Variants in ZFAT observed in about 807,000 individuals in gnomAD.
ZFAT encodes the protein zinc finger and AT-hook domain containing, also known as zinc finger protein ZFAT.
ZFAT carries 64 observed loss-of-function variants against 117.7 expected under a neutral mutation model. The ratio of observed to expected loss-of-function variants is 0.54; its 90% CI spans 0.44 to 0.67. The LOEUF (loss-of-function observed/expected upper bound fraction) is 0.67. Among genes scored for constraint, ZFAT ranks in the 30% least tolerant of loss-of-function variants. ZFAT has a pLI of 0.00. For missense variants in ZFAT, 1,433 were observed against 1,584.5 expected, an observed-to-expected ratio of 0.90 and a Z score of 1.62; for synonymous variants, 679 against 615.0, an observed-to-expected ratio of 1.10 and a Z score of -1.54.
At chr8:134,582,760 A>G (rs985226797) in intron 10 of ZFAT, among the ~76,000 whole-genome samples, 2 of 152,118 alleles carry the variant, frequency 1.3e-5, no homozygotes, top group Non-Finnish European at 2.9e-5. Flanking sequence ...CCAAGGGCCC[A>G]ACCCCCACAC....
At chr8:134,695,494 T>A (rs1012785866) in intron 1 of ZFAT, among the ~76,000 whole-genome samples, 3 of 150,870 alleles carry the variant, frequency 2.0e-5, no homozygotes, top group Non-Finnish European at 3.0e-5. Flanking sequence ...CTGGGCCATC[T>A]CTAACAAAGG....
chr8:134,516,770 T>G (rs1820284413), intron 13 of ZFAT, among the ~76,000 whole-genome samples: 1 of 152,092 alleles, frequency 6.6e-6, no homozygotes, highest in Non-Finnish European at 1.5e-5. Flanking sequence ...GTAAGAGAAT[T>G]GCTTGAGCCC....
At chr8:134,576,301 T>C (rs1825292739) in intron 10 of ZFAT, among the ~76,000 whole-genome samples, 1 of 152,228 alleles carries the variant, frequency 6.6e-6, no homozygotes, top group South Asian at 2.1e-4. Context: ...AAGAGCTACA[T>C]ATGAACACCA....
chr8:134,624,533 T>C (rs1420658572), intron 3 of ZFAT, among the ~76,000 whole-genome samples: 1 of 152,150 alleles, frequency 6.6e-6, no homozygotes, highest in Non-Finnish European at 1.5e-5. Context: ...GGCGCACACC[T>C]ATATTCCCAG....
intron 15 of ZFAT, among the ~76,000 whole-genome samples, chr8:134,484,103 A>T (rs1586554556): frequency 2.0e-5 from 3 of 152,006 alleles, no homozygotes; most frequent in Admixed American, 2.0e-4. Flanking sequence ...AGCTCAGGAC[A>T]CCCTCCTTAA....
At chr8:134,775,073 G>A in the ZFAT span, among the ~76,000 whole-genome samples, 2 of 152,272 alleles carry the variant, frequency 1.3e-5, no homozygotes, top group South Asian at 2.1e-4. Flanking sequence ...AGCTGAGATC[G>A]TGCCACCGCA....
chr8:134,745,833 A>G, the ZFAT span, among the ~76,000 whole-genome samples: 2 of 152,312 alleles, frequency 1.3e-5, no homozygotes, highest in South Asian at 2.1e-4. Flanking sequence ...TTTTATAAGT[A>G]TGGAAACTGA....
intron 2 of ZFAT, among the ~76,000 whole-genome samples, chr8:134,641,443 G>A (rs963864302): frequency 3.9e-5 from 6 of 152,072 alleles, no homozygotes; most frequent in Non-Finnish European, 7.4e-5. Context: ...TAACATGTCC[G>A]GTCCAGTTAA....
chr8:134,598,696 T>C (rs554702034), intron 7 of ZFAT: 2 of 152,236 alleles, frequency 1.3e-5, no homozygotes, highest in African/African-American at 2.4e-5. Context: ...TTTCTTGTCA[T>C]TTTTTCAGCC....
intron 1 of ZFAT, among the ~76,000 whole-genome samples, chr8:134,684,532 C>T (rs1055102176): frequency 6.6e-6 from 1 of 152,066 alleles, no homozygotes; most frequent in South Asian, 2.1e-4. Flanking sequence ...CATAGGGACA[C>T]GCCAGCTCTA....
chr8:134,731,422 CTT>C, the ZFAT span, among the ~76,000 whole-genome samples: 1 of 152,164 alleles, frequency 6.6e-6, no homozygotes, highest in African/African-American at 2.4e-5. Flanking sequence ...AATCAGGAGA[CTT>C]TTTCTGTAAA....
intron 9 of ZFAT, 72 bp downstream of exon 9, chr8:134,588,174 A>T: frequency 6.8e-7 from 1 of 1,479,560 alleles, no homozygotes; most frequent in Non-Finnish European, 9.0e-7. Flanking sequence ...GCTTCCTCTT[A>T]ATGTACTCCC....
chr8:134,596,068 C>T (rs146477973), intron 7 of ZFAT, among the ~76,000 whole-genome samples: 10 of 152,318 alleles, frequency 6.6e-5, no homozygotes, highest in East Asian at 5.8e-4. Flanking sequence ...CCAAGCCCCA[C>T]GCTGGTGCAA....
the ZFAT span, among the ~76,000 whole-genome samples, chr8:134,809,429 A>T: frequency 6.6e-6 from 1 of 152,204 alleles, no homozygotes. Context: ...TCGGGTGACC[A>T]GTTTTCCTAA....
At chr8:134,565,775 A>G (rs551353026) in intron 10 of ZFAT, 40 of 351,514 alleles carry the variant, frequency 1.1e-4, no homozygotes, top group African/African-American at 8.0e-4. Context: ...CTGCAGGGGA[A>G]TGGACCACAG....
intron 15 of ZFAT, among the ~76,000 whole-genome samples, chr8:134,481,931 C>A (rs979965449): frequency 2.6e-5 from 4 of 152,338 alleles, no homozygotes; most frequent in Non-Finnish European, 4.4e-5. Flanking sequence ...TACAGCCCGA[C>A]CAAGGCCACC....
At chr8:134,505,642 G>C (rs1176068257) in intron 15 of ZFAT, among the ~76,000 whole-genome samples, 1 of 152,160 alleles carries the variant, frequency 6.6e-6, no homozygotes, top group Non-Finnish European at 1.5e-5. Context: ...GTGGATGTCA[G>C]ACCTTAGCCT....
chr8:134,695,523 C>G (rs529956854), intron 1 of ZFAT, among the ~76,000 whole-genome samples: 1 of 152,030 alleles, frequency 6.6e-6, no homozygotes, highest in African/African-American at 2.4e-5. Flanking sequence ...CCCCCACCCC[C>G]AGGCCCTGCC....
intron 2 of ZFAT, among the ~76,000 whole-genome samples, chr8:134,648,099 T>C (rs957851103): frequency 4.6e-5 from 7 of 152,050 alleles, no homozygotes; most frequent in African/African-American, 1.7e-4. Flanking sequence ...ACTAACCTGA[T>C]TGTGGTATCA....
Sources: allele counts gnomAD v4.1 joint callset (sites outside exome capture counted in the v4.1 genomes callset), GRCh38; gene constraint gnomAD v4.1.1; transcripts MANE v1.5; gene names NCBI Gene and HGNC (gene_info 2026-07-23, HGNC 2026-07-21).